SGSM2: variants seen among roughly 807,000 people sequenced by gnomAD.
SGSM2 encodes the protein RUN and TBC1 domain containing 1.
Under a neutral mutation model 126.6 loss-of-function variants are expected in SGSM2, and 89 were observed. The observed-to-expected ratio is 0.70, with a 90% CI of 0.59 to 0.84. The LOEUF is 0.84. SGSM2 is among the 40% of genes least tolerant of loss of function. The pLI is 0.00. For missense variants in SGSM2, 1,404 were observed against 1,416.6 expected (o/e 0.99, Z 0.14); for synonymous variants, 614 against 574.3 (o/e 1.07, Z -0.99).
intron 2 of SGSM2, among the ~76,000 whole-genome samples, chr17:2,358,431 C>T (rs1257341717): frequency 6.6e-6 from 1 of 152,194 alleles, no homozygotes; most frequent in Admixed American, 6.5e-5. Context: ...GTCTCAGAGC[C>T]AGGCTCAGTG....
At chr17:2,375,315 C>T (rs2252909) in intron 17 of SGSM2, 177 bp from the exon 18 acceptor site, 470,997 of 713,146 alleles carry the variant, frequency 0.66, 156,677 homozygotes, top group African/African-American at 0.76. Context: ...TGTTTCTCTC[C>T]GCCTGGCTGG....
intron 19 of SGSM2, 71 bp downstream of exon 19, chr17:2,376,332 C>T (rs1219887208): frequency 1.2e-5 from 18 of 1,564,788 alleles, no homozygotes; most frequent in Non-Finnish European, 1.5e-5. Context: ...AGATGAGGTC[C>T]GGAAGGTGCC....
At chr17:2,370,877 G>A (rs557837350) in intron 12 of SGSM2, among the ~76,000 whole-genome samples, 9 of 151,864 alleles carry the variant, frequency 5.9e-5, no homozygotes, top group Non-Finnish European at 1.3e-4. Context: ...AGCTGAATCC[G>A]TGAAGGCTGA....
At chr17:2,338,001 G>A (rs1040413336) in intron 1 of SGSM2, among the ~76,000 whole-genome samples, 24 of 152,226 alleles carry the variant, frequency 1.6e-4, no homozygotes, top group African/African-American at 4.8e-4. Context: ...TGACGGCAGC[G>A]GCGCTGGGAG....
rs1300216741 is a variant in SGSM2 at position 2,380,417 on chromosome 17, G to A, written c.*897G>A. 3 of 1,017,402 alleles carry A rather than the reference G, an allele frequency of 2.9e-6. No individual in the cohort carries two copies. Among genetic ancestry groups the A allele is most frequent in the Non-Finnish European group, 4.4e-6 (3 of 678,524 alleles). 63.0% of individuals were successfully genotyped at this position (1,017,402 alleles called of 1,614,324 possible). A position where few individuals can be genotyped will look rare whatever the true frequency, so the allele number is the denominator to read the frequency against. ...CCCTCAGAGACAGGCCTCAGTTCGA[G>A]GGCAGCCCATTATCTGTCGCAGACA... On this transcript the variant is annotated 3_prime_UTR_variant, in exon 24 of 24. Transcript: ENST00000268989.
intron 2 of SGSM2, among the ~76,000 whole-genome samples, chr17:2,352,643 T>C (rs1478871449): frequency 6.6e-6 from 1 of 152,038 alleles, no homozygotes; most frequent in African/African-American, 2.4e-5. Context: ...GGCTGCTGAG[T>C]GCAGCTTTCA....
intron 2 of SGSM2, among the ~76,000 whole-genome samples, chr17:2,357,952 G>A (rs1226963952): frequency 1.3e-5 from 2 of 152,232 alleles, no homozygotes; most frequent in African/African-American, 4.8e-5. Flanking sequence ...TGCACCCAGG[G>A]TGGCCGTAGC....
intron 1 of SGSM2, among the ~76,000 whole-genome samples, chr17:2,341,148 T>TA (rs1172426475): frequency 2.0e-5 from 3 of 151,990 alleles, no homozygotes; most frequent in African/African-American, 4.8e-5. Context: ...TTTTTTGAGA[T>TA]AGAGTTTCAC....
At chr17:2,371,705 AG>A in intron 13 of SGSM2, 1 of 425,906 alleles carries the variant, frequency 2.3e-6, no homozygotes, top group Non-Finnish European at 4.2e-6. Flanking sequence ...GAAGGTCCGG[AG>A]TTGTGCCGGC....
chr17:2,346,863 A>G (rs1383719247), intron 2 of SGSM2, among the ~76,000 whole-genome samples: 1 of 152,078 alleles, frequency 6.6e-6, no homozygotes, highest in Non-Finnish European at 1.5e-5. Context: ...CTGAGGCGGG[A>G]GGATCCCTTG....
Position 2,364,942 on chromosome 17 carries a change from G to A in SGSM2, c.1046G>A (p.Arg349Lys), listed in dbSNP as rs775020672. The change falls in exon 10 of 24, where the codon AGG becomes AAG. Residue 349 changes from arginine to lysine, a missense_variant. Coordinates refer to ENST00000268989, the MANE Select transcript of SGSM2 (RefSeq NM_014853.3). Reference sequence around the variant, plus strand: ...CTGGTGAGCCAGGATGGCATCCAGAGGCCGCCGCTGCATTTCCCACAGGGA... The same window carrying A: ...CTGGTGAGCCAGGATGGCATCCAGAAGCCGCCGCTGCATTTCCCACAGGGA... Reference protein sequence around the residue: ...LVLVSQDGIQRPPLHFPQGGH... With the variant: ...LVLVSQDGIQKPPLHFPQGGH... The A allele has an allele frequency of 1.6e-5, 26 of 1,612,918 alleles. No individual in the cohort carries two copies. The highest frequency in any genetic ancestry group is 2.2e-5 in the Non-Finnish European group (26 of 1,180,022).
chr17:2,343,976 A>G (rs2064485710), intron 2 of SGSM2, among the ~76,000 whole-genome samples: 1 of 152,180 alleles, frequency 6.6e-6, no homozygotes, highest in South Asian at 2.1e-4. Flanking sequence ...GCCCTAGGTC[A>G]TTTGAGTTCA....
In SGSM2 at chr17:2,363,485, C is replaced by G. The variant is rs145512575; in HGVS notation, c.693C>G (p.Ser231Arg). ...CACAGATCCGGAAACGGCACTCAAG[C>G]GGCAGCGCGTCGGAGGACAGGCTGG... ...PALGIRKRHS[S>R]GSASEDRLAA... The change falls in exon 7 of 24, where the codon AGC becomes AGG. Residue 231 changes from serine to arginine, a missense_variant. Transcript: ENST00000268989. The surrounding 1 kb of genome is among the most constrained non-coding windows in gnomAD (Gnocchi z 4.2). The G allele has an allele frequency of 6.2e-7, 1 of 1,613,386 alleles. No homozygotes were observed. The highest frequency in any genetic ancestry group is 2.2e-5 in the East Asian group (1 of 44,876).
intron 2 of SGSM2, 114 bp from the exon 3 acceptor site, chr17:2,361,523 C>CTGCCCTTGGCT: frequency 7.6e-7 from 1 of 1,323,606 alleles, no homozygotes; most frequent in Non-Finnish European, 1.0e-6. Context: ...TCTCCCTGGC[C>CTGCCCTTGGCT]TGCCCTTGGC....
chr17:2,341,279 G>A (rs1229326854), intron 1 of SGSM2, among the ~76,000 whole-genome samples: 7 of 152,018 alleles, frequency 4.6e-5, no homozygotes. Flanking sequence ...CACCATGCTT[G>A]GCTAATTTTT....
intron 1 of SGSM2, among the ~76,000 whole-genome samples, chr17:2,338,225 G>T (rs2064175766): frequency 6.6e-6 from 1 of 152,166 alleles, no homozygotes. Context: ...CTCCAGCTAC[G>T]GAGTGATCGC....
chr17:2,360,516 C>T (rs139097069), intron 2 of SGSM2, among the ~76,000 whole-genome samples: 4 of 152,334 alleles, frequency 2.6e-5, no homozygotes, highest in Non-Finnish European at 4.4e-5. Flanking sequence ...TCTGAACCAA[C>T]AGGGTGAGGA....
chr17:2,345,832 A>C (rs962841066), intron 2 of SGSM2, among the ~76,000 whole-genome samples: 1 of 152,222 alleles, frequency 6.6e-6, no homozygotes, highest in Admixed American at 6.5e-5. Context: ...ATGCTTTGTC[A>C]AAATTGGTGC....
chr17:2,352,923 GT>G lies in SGSM2; in HGVS notation c.134-8713del, dbSNP rs1567810790. Among the ~76,000 whole-genome samples, 247 of 141,926 alleles carry G rather than the reference GT, an allele frequency of 1.7e-3. 2 individuals are homozygous for G. The highest frequency in any genetic ancestry group is 6.3e-3 in the African/African-American group (235 of 37,100). The allele number at this position is 141,926 out of a possible 152,430, so 93.1% of individuals were successfully genotyped here. A position where few individuals can be genotyped will look rare whatever the true frequency, so the allele number is the denominator to read the frequency against. ...CTCCCGAGTAGCTGGGACTACAGGC[GT>G]CCGCCACCACGCCCGGCTAATTTTT... On this transcript the variant is annotated intron_variant, in intron 2 of 23. Transcript: ENST00000268989.
Sources: gnomAD v4.1 joint callset for allele counts (sites outside exome capture counted in the v4.1 genomes callset) on GRCh38, gnomAD v4.1.1 for gene constraint, Gnocchi (gnomAD v3.1) non-coding constraint, MANE v1.5 for transcripts, NCBI Gene and HGNC (gene_info 2026-07-23, HGNC 2026-07-21) for gene names.